TACC2: variants seen among roughly 807,000 people sequenced by gnomAD.
The protein encoded by TACC2 is transforming acidic coiled-coil-containing protein 2.
TACC2 carries 137 observed loss-of-function variants against 227.3 expected under a neutral mutation model. That is an observed-to-expected ratio of 0.60 (90% CI 0.52 to 0.69). TACC2 has a LOEUF of 0.69. Ranked by LOEUF, TACC2 falls within the 30% of genes least tolerant of loss-of-function variation. TACC2 has a pLI of 0.00. For synonymous variants in TACC2, 1,523 were observed against 1,487.5 expected, an observed-to-expected ratio of 1.02 and a Z score of -0.55; for missense variants, 3,470 against 3,694.4, an observed-to-expected ratio of 0.94 and a Z score of 1.57.
intron 5 of TACC2, among the ~76,000 whole-genome samples, chr10:122,119,845 G>A (rs911586051): frequency 6.6e-6 from 1 of 152,058 alleles, no homozygotes; most frequent in Admixed American, 6.6e-5. Context: ...CTTAAACCCG[G>A]GAGGCAGAGG....
At chr10:122,017,601 G>A (rs1956820927) in intron 1 of TACC2, among the ~76,000 whole-genome samples, 2 of 152,054 alleles carry the variant, frequency 1.3e-5, no homozygotes, top group Non-Finnish European at 2.9e-5. Flanking sequence ...CGGATCGCTT[G>A]AGCCTAGGAG....
intron 5 of TACC2, among the ~76,000 whole-genome samples, chr10:122,098,484 C>T (rs186022205): frequency 2.0e-5 from 3 of 152,300 alleles, no homozygotes; most frequent in Non-Finnish European, 2.9e-5. Context: ...CAGGTGGCTG[C>T]GTCTAACTCA....
rs914900340 is a variant in TACC2, at chr10:122,227,855, T to C, written c.7743T>C (p.Thr2581=). Residue 2581 remains threonine, a synonymous_variant, in exon 14 of 23, where the codon ACT becomes ACC. Coordinates refer to ENST00000369005, the MANE Select transcript of TACC2 (RefSeq NM_206862.4). ...CCCCCAGGTCAAGTTTTGAAGAGAC[T>C]GAAGCCCTTGTGAACACTGCTGCGA... ...TPCSGSSFEE[T]EALVNTAAKN... The C allele has an allele frequency of 6.2e-7, 1 of 1,613,658 alleles. No homozygotes were observed. The highest frequency in any genetic ancestry group is 1.3e-5 in the African/African-American group (1 of 74,926).
At chr10:122,146,575 G>A (rs965300748) in intron 7 of TACC2, among the ~76,000 whole-genome samples, 4 of 152,008 alleles carry the variant, frequency 2.6e-5, no homozygotes, top group African/African-American at 4.8e-5. Flanking sequence ...CAGCCCCCTC[G>A]TTATAGGATA....
chr10:122,249,019 T>C (rs1350907445), intron 20 of TACC2, 31 bp from the exon 21 acceptor site: 1 of 1,594,452 alleles, frequency 6.3e-7, no homozygotes, highest in East Asian at 2.2e-5. Flanking sequence ...TCTCGTGGGC[T>C]TGACGCCTGT....
At chr10:122,248,949 G>A (rs977189735) in intron 20 of TACC2, 101 bp from the exon 21 acceptor site, 21 of 1,480,048 alleles carry the variant, frequency 1.4e-5, no homozygotes, top group African/African-American at 8.3e-5. Context: ...AGACTTGGCC[G>A]CCTGGGGTTA....
chr10:122,232,112 G>A (rs2095764077), intron 16 of TACC2, among the ~76,000 whole-genome samples: 1 of 152,232 alleles, frequency 6.6e-6, no homozygotes, highest in Non-Finnish European at 1.5e-5. Context: ...TACAGATTGG[G>A]GATGTCCTCG....
intron 1 of TACC2, among the ~76,000 whole-genome samples, chr10:122,002,651 C>T (rs1292487274): frequency 6.6e-6 from 1 of 152,072 alleles, no homozygotes; most frequent in Non-Finnish European, 1.5e-5. Context: ...ATTTCTCTAT[C>T]GTTTTTCTGT....
intron 5 of TACC2, among the ~76,000 whole-genome samples, chr10:122,108,733 G>A (rs1353904422): frequency 1.3e-5 from 2 of 149,536 alleles, no homozygotes; most frequent in Non-Finnish European, 3.0e-5. Context: ...GTGAGCCATC[G>A]CCCGGTCTTC....
At chr10:122,104,131 GA>G (rs1565311413) in intron 5 of TACC2, among the ~76,000 whole-genome samples, 2 of 152,098 alleles carry the variant, frequency 1.3e-5, no homozygotes, top group Non-Finnish European at 2.9e-5. Context: ...CTTGATGAAT[GA>G]CTTAATCATA....
intron 3 of TACC2, among the ~76,000 whole-genome samples, chr10:122,073,005 A>C (rs2459064): frequency 0.35 from 52,087 of 148,116 alleles, 10,282 homozygotes; most frequent in East Asian, 0.44. Flanking sequence ...CCCAGCTGCT[A>C]GGGAGGCTGA....
At chr10:122,211,888 G>A (rs755912592) in intron 9 of TACC2, among the ~76,000 whole-genome samples, 180 bp downstream of exon 9, 1 of 152,130 alleles carries the variant, frequency 6.6e-6, no homozygotes, top group Non-Finnish European at 1.5e-5. Context: ...TCCTCTCTGC[G>A]GTCACAGTGG....
At chr10:122,053,271 G>T (rs1184628416) in intron 3 of TACC2, among the ~76,000 whole-genome samples, 2 of 152,162 alleles carry the variant, frequency 1.3e-5, no homozygotes, top group African/African-American at 4.8e-5. Flanking sequence ...GTAAAGAGAA[G>T]AGAGCTTGTG....
rs568700081 is a variant in TACC2, at chr10:122,211,738, C to T, written c.7283+30C>T. The T allele has an allele frequency of 1.2e-5, 18 of 1,517,864 alleles. No homozygotes were observed. In the South Asian group the frequency reaches 2.1e-4, roughly 18 times the overall value. 94.0% of individuals were successfully genotyped at this position (1,517,864 alleles called of 1,614,324 possible). ...GTTCAGGGGTGGAGGTGGTAAGGAT[C>T]AGAGGCGGGGGTGCGCATTGGCTGT... On this transcript the variant is annotated intron_variant, in intron 9 of 22. Transcript: ENST00000369005.
In TACC2 at chr10:122,191,516, G is replaced by GA. The variant is rs1047501684; in HGVS notation, c.5835-3514dup. On this transcript the variant is annotated intron_variant, in intron 7 of 22. Coordinates refer to ENST00000369005, the MANE Select transcript of TACC2 (RefSeq NM_206862.4). Reference sequence around the variant, plus strand: ...AACACTAATGATAGCTGATGAGCTGGAAAAAAAAAATCACAACAAAATCTC... The same window carrying GA: ...AACACTAATGATAGCTGATGAGCTGGAAAAAAAAAAATCACAACAAAATCTC... 4.0e-3 allele frequency among the ~76,000 whole-genome samples: 593 copies of GA among 149,664 alleles called. 2 individuals are homozygous for GA. The highest frequency in any genetic ancestry group is 7.0e-3 in the Admixed American group (105 of 14,990).
intron 3 of TACC2, among the ~76,000 whole-genome samples, chr10:122,071,427 T>A (rs1034844969): frequency 6.6e-6 from 1 of 152,142 alleles, no homozygotes; most frequent in South Asian, 2.1e-4. Context: ...TTCTGTTGAC[T>A]TTTAGGACCC....
chr10:122,045,968 T>G (rs922611115), intron 2 of TACC2, among the ~76,000 whole-genome samples: 3 of 12,808 alleles, frequency 2.3e-4, no homozygotes, highest in African/African-American at 1.1e-3. Flanking sequence ...AGTCAGGAGA[T>G]CGAGACCAGC....
At chr10:122,130,800 C>T (rs1233855068) in intron 5 of TACC2, among the ~76,000 whole-genome samples, 1 of 152,170 alleles carries the variant, frequency 6.6e-6, no homozygotes. Context: ...GGATCAAATA[C>T]AGTGCCATCT....
At chr10:122,183,904 A>T (rs1370086564) in intron 7 of TACC2, among the ~76,000 whole-genome samples, 1 of 152,154 alleles carries the variant, frequency 6.6e-6, no homozygotes, top group African/African-American at 2.4e-5. Context: ...ACCCAGGAGG[A>T]CTTGAGCATC....
Sources: gnomAD v4.1 joint callset for allele counts (sites outside exome capture counted in the v4.1 genomes callset) on GRCh38, gnomAD v4.1.1 for gene constraint, MANE v1.5 for transcripts, NCBI Gene and HGNC (gene_info 2026-07-23, HGNC 2026-07-21) for gene names.